PDE11A: variants seen among roughly 807,000 people sequenced by gnomAD.
PDE11A encodes the protein phosphodiesterase 11A, also known as dual 3',5'-cyclic-AMP and -GMP phosphodiesterase 11A.
A neutral mutation model predicts 100.5 loss-of-function variants in PDE11A; 100 were observed. That is an observed-to-expected ratio of 1.00 (90% CI 0.85 to 1.18). The LOEUF (loss-of-function observed/expected upper bound fraction) is 1.18, where lower values mean the gene tolerates loss of function less well. PDE11A is among the 50% of genes most tolerant of loss of function. The pLI is 0.00. For missense variants in PDE11A, 1,141 were observed against 1,152.6 expected (o/e 0.99, Z 0.15); for synonymous variants, 381 against 420.8 (o/e 0.91, Z 1.16).
chr2:178,066,104 G>T (rs1217764365), intron 1 of PDE11A, among the ~76,000 whole-genome samples: 3 of 152,110 alleles, frequency 2.0e-5, no homozygotes, highest in African/African-American at 4.8e-5. Context: ...AGGCAAGCAG[G>T]TTCTAAATGA....
chr2:177,836,515 A>T (rs1383689010), intron 6 of PDE11A, among the ~76,000 whole-genome samples: 1 of 152,194 alleles, frequency 6.6e-6, no homozygotes, highest in Non-Finnish European at 1.5e-5. Context: ...TGTAAAATGG[A>T]CCAATCAGCA....
At chr2:178,033,935 CAA>C (rs1042541480) in intron 1 of PDE11A, among the ~76,000 whole-genome samples, 1 of 152,108 alleles carries the variant, frequency 6.6e-6, no homozygotes, top group African/African-American at 2.4e-5. Context: ...CCAGCCACTG[CAA>C]AAACACACCA....
chr2:177,955,072 G>GCA (rs1456174167), intron 2 of PDE11A, among the ~76,000 whole-genome samples: 1 of 152,124 alleles, frequency 6.6e-6, no homozygotes, highest in African/African-American at 2.4e-5. Flanking sequence ...TGGTCTCTGT[G>GCA]ATCAATTCTC....
Position 177,631,322 on chromosome 2 carries a change from A to AAAAAAAAAAAAAAAAAAAAAAAAAAAAC in PDE11A, c.2647-1761_2647-1760insGTTTTTTTTTTTTTTTTTTTTTTTTTTT, listed in dbSNP as rs1469522170. On this transcript the variant is annotated intron_variant, in intron 19 of 19. Transcript: ENST00000286063. ...AAAAAAAAAAAAAACAAAAAAAAAA[A>AAAAAAAAAAAAAAAAAAAAAAAAAAAAC]CAACCTAGGCGTGGTGGCACATGCC... is the stretch of plus-strand genomic sequence containing the variant. Among the ~76,000 whole-genome samples, 7 of 16,886 alleles carry AAAAAAAAAAAAAAAAAAAAAAAAAAAAC rather than the reference A, an allele frequency of 4.1e-4. 1 individual carries two copies. Among genetic ancestry groups the AAAAAAAAAAAAAAAAAAAAAAAAAAAAC allele is most frequent in the African/African-American group, 6.5e-4 (7 of 10,844 alleles). 11.1% of individuals were successfully genotyped at this position (16,886 alleles called of 152,430 possible). A position where few individuals can be genotyped will look rare whatever the true frequency, so the allele number is the denominator to read the frequency against.
At chr2:177,828,204 T>C (rs1301886041) in intron 6 of PDE11A, among the ~76,000 whole-genome samples, 1 of 152,114 alleles carries the variant, frequency 6.6e-6, no homozygotes, top group East Asian at 1.9e-4. Flanking sequence ...TCTTTAGAGA[T>C]AGCAATTATT....
intron 1 of PDE11A, among the ~76,000 whole-genome samples, chr2:178,066,158 T>C (rs1358764179): frequency 1.3e-5 from 2 of 151,822 alleles, no homozygotes; most frequent in African/African-American, 2.4e-5. Context: ...GGATGCAAAA[T>C]ACAGGAATAG....
At chr2:177,739,314 TA>T (rs1293525811) in intron 10 of PDE11A, among the ~76,000 whole-genome samples, 1 of 152,160 alleles carries the variant, frequency 6.6e-6, no homozygotes, top group East Asian at 1.9e-4. Context: ...GGATTAGACT[TA>T]GTAGCTAATG....
chr2:178,096,330 A>ATT (rs35631942), intron 2 of PDE11A, among the ~76,000 whole-genome samples: 18 of 137,536 alleles, frequency 1.3e-4, no homozygotes, highest in African/African-American at 4.3e-4. Flanking sequence ...AGCCCAGCTA[A>ATT]TTTTTTTTTT....
chr2:177,668,137 T>C (rs1324851435), intron 18 of PDE11A, among the ~76,000 whole-genome samples: 1 of 152,210 alleles, frequency 6.6e-6, no homozygotes, highest in East Asian at 1.9e-4. Context: ...ATTTCATTTA[T>C]GTCTACAGAA....
At chr2:177,680,705 G>A in intron 16 of PDE11A, 121 bp downstream of exon 16, 1 of 600,808 alleles carries the variant, frequency 1.7e-6, no homozygotes, top group Non-Finnish European at 3.0e-6. Context: ...TGAATGTTTT[G>A]AATGTAAGCT....
intron 2 of PDE11A, among the ~76,000 whole-genome samples, chr2:177,995,635 C>A (rs900295430): frequency 5.3e-5 from 6 of 113,224 alleles, no homozygotes; most frequent in Admixed American, 2.2e-4. Flanking sequence ...ATTAAATACT[C>A]CACAAACACC....
intron 17 of PDE11A, among the ~76,000 whole-genome samples, chr2:177,673,621 G>C (rs1213234768): frequency 6.6e-6 from 1 of 152,204 alleles, no homozygotes; most frequent in South Asian, 2.1e-4. Flanking sequence ...AGAGATCCTG[G>C]ACTTAAGAGT....
chr2:177,875,875 C>T lies in PDE11A; in HGVS notation c.1351G>A (p.Ala451Thr). 6.2e-7 allele frequency: 1 copy of T among 1,611,342 alleles called. No individual in the cohort carries two copies. The highest frequency in any genetic ancestry group is 8.5e-7 in the Non-Finnish European group (1 of 1,177,474). Reference protein sequence around the residue: ...SFELMSPKCSADAENSFKESM... With the variant: ...SFELMSPKCSTDAENSFKESM... ...AAGCCCTACCTGTTCTCAGCATCAGCACTGCACTTTGGGGACATCAATTCA... is the reference window on the plus strand; with the variant it reads ...AAGCCCTACCTGTTCTCAGCATCAGTACTGCACTTTGGGGACATCAATTCA... The change falls in exon 5 of 20, where the codon GCT (alanine) becomes ACT (threonine). Residue 451 changes from alanine to threonine, a missense_variant. Transcript: ENST00000286063.
At chr2:177,835,312 T>C (rs137974502) in intron 6 of PDE11A, among the ~76,000 whole-genome samples, 340 of 152,330 alleles carry the variant, frequency 2.2e-3, no homozygotes, top group African/African-American at 7.5e-3. Flanking sequence ...CTCTCTCAAA[T>C]GCATCCTGAG....
chr2:177,760,453 C>T (rs1488269471), intron 10 of PDE11A, among the ~76,000 whole-genome samples: 1 of 152,046 alleles, frequency 6.6e-6, no homozygotes, highest in African/African-American at 2.4e-5. Context: ...TTAAATCAAG[C>T]TGAGCTATCT....
chr2:177,761,742 T>C (rs1160707838), intron 10 of PDE11A, among the ~76,000 whole-genome samples: 4 of 152,202 alleles, frequency 2.6e-5, no homozygotes, highest in Middle Eastern at 6.8e-3. Flanking sequence ...GGTGCAAACA[T>C]ATAAAAGGAC....
intron 4 of PDE11A, among the ~76,000 whole-genome samples, chr2:177,881,534 A>T (rs2084342896): frequency 2.0e-5 from 3 of 152,218 alleles, no homozygotes; most frequent in Admixed American, 2.0e-4. Flanking sequence ...TCATCAGATT[A>T]TTTGGCAAGG....
chr2:178,021,405 C>T (rs781358529), intron 1 of PDE11A, among the ~76,000 whole-genome samples: 11 of 152,076 alleles, frequency 7.2e-5, no homozygotes, highest in Non-Finnish European at 1.3e-4. Flanking sequence ...AGATCAGAAT[C>T]GCTGATACAA....
At chr2:177,833,075 G>A (rs544380693) in intron 6 of PDE11A, among the ~76,000 whole-genome samples, 5 of 151,924 alleles carry the variant, frequency 3.3e-5, no homozygotes, top group South Asian at 4.2e-4. Flanking sequence ...TCTGCCTAAC[G>A]CCCCTCAGTC....
Sources: gnomAD v4.1 joint callset for allele counts (sites outside exome capture counted in the v4.1 genomes callset) on GRCh38, gnomAD v4.1.1 for gene constraint, MANE v1.5 for transcripts, NCBI Gene and HGNC (gene_info 2026-07-23, HGNC 2026-07-21) for gene names.